SLC12A1: variants seen among roughly 807,000 people sequenced by gnomAD.
SLC12A1 encodes solute carrier family 12 member 1, also known as Na-K-2Cl cotransporter.
In SLC12A1, 89 loss-of-function variants were observed where a neutral mutation model predicts 130.4. The ratio of observed to expected loss-of-function variants is 0.68; its 90% CI spans 0.58 to 0.81. The LOEUF (loss-of-function observed/expected upper bound fraction) is 0.81, where lower values mean the gene tolerates loss of function less well. Ranked by LOEUF, SLC12A1 falls within the 40% of genes least tolerant of loss-of-function variation. SLC12A1 has a pLI of 0.00. For synonymous variants in SLC12A1, 499 were observed against 460.0 expected (o/e 1.08, Z -1.09); for missense variants, 1,310 against 1,336.4 (o/e 0.98, Z 0.31).
At chr15:48,234,306 G>A (rs907469714) in intron 8 of SLC12A1, among the ~76,000 whole-genome samples, 3 of 152,090 alleles carry the variant, frequency 2.0e-5, no homozygotes, top group Non-Finnish European at 4.4e-5. Context: ...CAGGCAGCCT[G>A]GATCTCTTTT....
chr15:48,226,566 G>A lies in SLC12A1; in HGVS notation c.719G>A (p.Arg240His), dbSNP rs181114352. The A allele has an allele frequency of 5.1e-5, 81 of 1,600,324 alleles. No individual in the cohort carries two copies. The highest frequency in any genetic ancestry group is 2.7e-4 in the South Asian group (24 of 89,558). ...TSAIATNGFV[R>H]GGGAYYLISR... ...GCGATAGCAACTAACGGGTTTGTTC[G>A]TGGAGGTAAAATCTCTAAGATATCT... The change falls in exon 5 of 27, where the codon CGT (arginine) becomes CAT (histidine). Residue 240 changes from arginine (R) to histidine (H), a missense_variant. By Grantham distance (29) the Arg-to-His change is conservative. Coordinates refer to ENST00000380993, the MANE Select transcript of SLC12A1 (RefSeq NM_000338.3).
intron 5 of SLC12A1, 162 bp downstream of exon 5, chr15:48,226,733 T>C: frequency 1.5e-6 from 1 of 656,546 alleles, no homozygotes; most frequent in Non-Finnish European, 2.7e-6. Flanking sequence ...ACGATGAGAA[T>C]AGTCCAGGTC....
intron 20 of SLC12A1, among the ~76,000 whole-genome samples, chr15:48,283,359 A>G (rs1244618313): frequency 6.6e-6 from 1 of 152,216 alleles, no homozygotes. Context: ...CAGAGCTGTA[A>G]TTGGTTGTGA....
chr15:48,262,679 G>A (rs2041788975), intron 17 of SLC12A1, among the ~76,000 whole-genome samples: 1 of 152,088 alleles, frequency 6.6e-6, no homozygotes, highest in Non-Finnish European at 1.5e-5. Context: ...CTTCTCTTTT[G>A]AACTAACAAA....
At chr15:48,255,178 G>A (rs1258494942) in intron 15 of SLC12A1, among the ~76,000 whole-genome samples, 1 of 152,176 alleles carries the variant, frequency 6.6e-6, no homozygotes, top group Non-Finnish European at 1.5e-5. Flanking sequence ...GGTGGCTCAC[G>A]CCTGTAATCC....
chr15:48,240,050 C>CATAT (rs374160430), intron 9 of SLC12A1, among the ~76,000 whole-genome samples: 268 of 6,392 alleles, frequency 0.042, 10 homozygotes, highest in Middle Eastern at 0.1. Context: ...TATATATATC[C>CATAT]ATATATATAT....
chr15:48,302,402 T>C lies in SLC12A1; in HGVS notation c.3165-348T>C, dbSNP rs1013666430. Among the ~76,000 whole-genome samples the C allele has an allele frequency of 3.3e-4, 50 of 151,418 alleles. 1 individual carries two copies. In the South Asian group the frequency reaches 4.0e-3, roughly 12 times the overall value. On this transcript the variant is annotated intron_variant, in intron 26 of 26. Coordinates refer to ENST00000380993, the MANE Select transcript of SLC12A1 (RefSeq NM_000338.3). ...TTGGGAGGCCGAGGCGGGTGGATCA[T>C]GAGGTCAGGAGATCGAGACCATCCT...
rs759275713 is a variant in SLC12A1 at position 48,246,969 on chromosome 15, C to G, written c.1513C>G (p.Leu505Val). Residue 505 changes from leucine to valine, a missense_variant, in exon 12 of 27, where the codon CTC becomes GTC. Physicochemically the swap from Leu to Val is conservative, Grantham distance 32. Coordinates refer to ENST00000380993, the MANE Select transcript of SLC12A1 (RefSeq NM_000338.3). ...LITAGIFSAT[L>V]SSALASLVSA... ...CACTGCGGGAATCTTTTCTGCAACA[C>G]TCTCCTCCGCCCTGGCCTCCCTTGT... 4.3e-6 allele frequency: 7 copies of G among 1,613,884 alleles called. No individual in the cohort carries two copies. The highest frequency in any genetic ancestry group is 5.9e-6 in the Non-Finnish European group (7 of 1,179,890).
rs28462252 is a variant in SLC12A1, at chr15:48,270,752, A to G, written c.2402+988A>G. On this transcript the variant is annotated intron_variant, in intron 19 of 26. Transcript: ENST00000380993. ...ATAATACTTATGTGTGTATGTGTGTATATATATATATATATATATATATAT... is the reference window on the plus strand; with the variant it reads ...ATAATACTTATGTGTGTATGTGTGTGTATATATATATATATATATATATAT... 1.1e-3 allele frequency among the ~76,000 whole-genome samples: 86 copies of G among 77,110 alleles called. 5 individuals carry two copies. Among genetic ancestry groups the G allele is most frequent in the African/African-American group, 3.4e-3 (60 of 17,832 alleles). The allele number at this position is 77,110 out of a possible 152,430, so 50.6% of individuals were successfully genotyped here. A position where few individuals can be genotyped will look rare whatever the true frequency, so the allele number is the denominator to read the frequency against.
intron 24 of SLC12A1, among the ~76,000 whole-genome samples, chr15:48,297,497 C>T (rs1267530474): frequency 6.6e-6 from 1 of 152,178 alleles, no homozygotes; most frequent in African/African-American, 2.4e-5. Flanking sequence ...GGGGAGACAA[C>T]CAGCAACCTC....
At chr15:48,280,507 C>T (rs1034384561) in intron 20 of SLC12A1, among the ~76,000 whole-genome samples, 2 of 152,184 alleles carry the variant, frequency 1.3e-5, no homozygotes, top group Non-Finnish European at 2.9e-5. Flanking sequence ...GAAGGGCAGG[C>T]ATGCTCTCTA....
intron 8 of SLC12A1, among the ~76,000 whole-genome samples, chr15:48,234,462 G>A (rs187755654): frequency 3.6e-4 from 55 of 152,234 alleles, no homozygotes; most frequent in African/African-American, 1.3e-3. Context: ...TAGGAATGTG[G>A]CCGGGCGCGG....
intron 24 of SLC12A1, among the ~76,000 whole-genome samples, chr15:48,296,444 A>T (rs2042178254): frequency 6.6e-6 from 1 of 152,208 alleles, no homozygotes; most frequent in African/African-American, 2.4e-5. Flanking sequence ...TTTATTGTAT[A>T]GACTGAATTA....
At chr15:48,265,981 T>C (rs1218299758) in intron 17 of SLC12A1, among the ~76,000 whole-genome samples, 1 of 152,220 alleles carries the variant, frequency 6.6e-6, no homozygotes, top group Non-Finnish European at 1.5e-5. Context: ...ATTAATGAGA[T>C]ATTTTACATT....
chr15:48,263,718 A>G (rs2041800768), intron 17 of SLC12A1, among the ~76,000 whole-genome samples: 1 of 151,938 alleles, frequency 6.6e-6, no homozygotes, highest in Non-Finnish European at 1.5e-5. Flanking sequence ...TTTGAGACAG[A>G]GTCTCCCTCT....
Position 48,249,695 on chromosome 15 carries a change from T to A in SLC12A1, c.1786+19T>A. ...TCTCCAGGTAAGCTGACTTCCAAAC[T>A]AAAATATGCCTAAGCAAACAGTTAG... On this transcript the variant is annotated intron_variant, in intron 14 of 26. Coordinates refer to ENST00000380993, the MANE Select transcript of SLC12A1 (RefSeq NM_000338.3). 6.6e-7 allele frequency: 1 copy of A among 1,513,378 alleles called. No homozygotes were observed. The highest frequency in any genetic ancestry group is 9.2e-7 in the Non-Finnish European group (1 of 1,088,250). The allele number at this position is 1,513,378 out of a possible 1,614,324, so 93.7% of individuals were successfully genotyped here.
At chr15:48,240,033 A>C (rs1567316812) in intron 9 of SLC12A1, among the ~76,000 whole-genome samples, 1 of 15,412 alleles carries the variant, frequency 6.5e-5, no homozygotes, top group Non-Finnish European at 6.2e-4. Context: ...ATATATCCAT[A>C]TATATATATA....
intron 23 of SLC12A1, among the ~76,000 whole-genome samples, chr15:48,289,816 GAGTC>G (rs1372152583): frequency 6.6e-6 from 1 of 152,188 alleles, no homozygotes; most frequent in East Asian, 1.9e-4. Context: ...TGCTCTGGGT[GAGTC>G]AGTGAGTGGT....
intron 16 of SLC12A1, among the ~76,000 whole-genome samples, chr15:48,256,841 T>C (rs2041713958): frequency 9.5e-6 from 1 of 105,554 alleles, no homozygotes; most frequent in Non-Finnish European, 1.8e-5. Context: ...CCCAAATTTC[T>C]TGTCCTCACA....
Sources: allele counts gnomAD v4.1 joint callset (sites outside exome capture counted in the v4.1 genomes callset), GRCh38; gene constraint gnomAD v4.1.1; transcripts MANE v1.5; gene names NCBI Gene and HGNC (gene_info 2026-07-23, HGNC 2026-07-21).